Variants in PCDHGA5 observed in about 807,000 individuals in gnomAD.
The protein encoded by PCDHGA5 is protocadherin gamma-A5.
In PCDHGA5, 36 loss-of-function variants were observed where a neutral mutation model predicts 56.7. That is an observed-to-expected ratio of 0.64 (90% CI 0.49 to 0.84). PCDHGA5 has a LOEUF of 0.84. Among genes scored for constraint, PCDHGA5 ranks in the 40% least tolerant of loss-of-function variants. The pLI, the probability that PCDHGA5 is intolerant of heterozygous loss-of-function variation, is 0.00. For missense variants in PCDHGA5, 1,305 were observed against 1,201.5 expected (o/e 1.09, Z -1.27); for synonymous variants, 563 against 520.2 (o/e 1.08, Z -1.12).
intron 1 of PCDHGA5, chr5:141,378,778 C>G (rs962575356): frequency 6.6e-5 from 10 of 152,270 alleles, no homozygotes; most frequent in Middle Eastern, 3.4e-3. Flanking sequence ...ACTGATTAGT[C>G]TTATTTATTA....
chr5:141,377,732 C>A (rs554693714), intron 1 of PCDHGA5: 2 of 152,264 alleles, frequency 1.3e-5, no homozygotes, highest in African/African-American at 4.8e-5. Flanking sequence ...AGATAAGAAT[C>A]ATTGGTAACT....
intron 1 of PCDHGA5, chr5:141,419,118 T>C: frequency 6.2e-7 from 1 of 1,613,806 alleles, no homozygotes; most frequent in South Asian, 1.1e-5. Context: ...GAGTACAACG[T>C]CACCATCGCA....
chr5:141,464,043 T>C (rs2099074643), intron 1 of PCDHGA5, among the ~76,000 whole-genome samples: 2 of 152,074 alleles, frequency 1.3e-5, no homozygotes, highest in African/African-American at 4.8e-5. Context: ...GGCGGGTGGA[T>C]CACCTGAGGT....
chr5:141,408,055 C>T lies in PCDHGA5; in HGVS notation c.2421+41304C>T, dbSNP rs1012762205. 35 of 1,299,012 alleles carry T rather than the reference C, an allele frequency of 2.7e-5. No homozygotes were observed. In the South Asian group the frequency reaches 3.8e-4, roughly 14 times the overall value. 80.5% of individuals were successfully genotyped at this position (1,299,012 alleles called of 1,614,324 possible). On this transcript the variant is annotated intron_variant, in intron 1 of 3. Coordinates refer to ENST00000518069, the MANE Select transcript of PCDHGA5 (RefSeq NM_018918.3). ...AAAACCAGCTCCCACACAGAGCCTCCCGGCTGCGCAGACCTTTCCCAGCAC... is the reference window on the plus strand; with the variant it reads ...AAAACCAGCTCCCACACAGAGCCTCTCGGCTGCGCAGACCTTTCCCAGCAC...
Position 141,511,643 on chromosome 5 carries a change from C to T in PCDHGA5, c.*470C>T, listed in dbSNP as rs937995879. ...TGAAAAGTTGGAAGGGCATCATGACCTCTTGGCCTCTCCTTTGATTCTCAA... is the reference window on the plus strand; with the variant it reads ...TGAAAAGTTGGAAGGGCATCATGACTTCTTGGCCTCTCCTTTGATTCTCAA... On this transcript the variant is annotated 3_prime_UTR_variant, in exon 4 of 4. Coordinates refer to ENST00000518069, the MANE Select transcript of PCDHGA5 (RefSeq NM_018918.3). 4 of 218,904 alleles carry T rather than the reference C, an allele frequency of 1.8e-5. No homozygotes were observed. The highest frequency in any genetic ancestry group is 5.2e-5 in the Admixed American group (1 of 19,306). 13.6% of individuals were successfully genotyped at this position (218,904 alleles called of 1,614,324 possible). A position where few individuals can be genotyped will look rare whatever the true frequency, so the allele number is the denominator to read the frequency against.
intron 1 of PCDHGA5, chr5:141,399,391 G>C: frequency 2.5e-6 from 4 of 1,613,964 alleles, no homozygotes; most frequent in Non-Finnish European, 3.4e-6. Flanking sequence ...CACAGCCACA[G>C]ACAGGGGCAA....
At chr5:141,370,504 T>C (rs769995886) in intron 1 of PCDHGA5, 3 of 1,613,950 alleles carry the variant, frequency 1.9e-6, no homozygotes, top group Non-Finnish European at 2.5e-6. Flanking sequence ...CGCTACGCTA[T>C]TCCCGAGGAG....
At chr5:141,423,722 GT>G in intron 1 of PCDHGA5, 1 of 954,176 alleles carries the variant, frequency 1.0e-6, no homozygotes, top group Admixed American at 5.1e-5. Flanking sequence ...TTAAGGAGAT[GT>G]TTTTTGAGCC....
At chr5:141,421,218 A>G (rs969154252) in intron 1 of PCDHGA5, 1 of 1,570,664 alleles carries the variant, frequency 6.4e-7, no homozygotes, top group Admixed American at 1.9e-5. Flanking sequence ...ATATCGGCTT[A>G]GAGCCTGCCA....
chr5:141,485,383 G>C lies in PCDHGA5; in HGVS notation c.2422-9424G>C. 6.2e-7 allele frequency: 1 copy of C among 1,614,128 alleles called. No individual in the cohort carries two copies. Among genetic ancestry groups the C allele is most frequent in the Non-Finnish European group, 8.5e-7 (1 of 1,180,020 alleles). On this transcript the variant is annotated intron_variant, in intron 1 of 3. Coordinates refer to ENST00000518069, the MANE Select transcript of PCDHGA5 (RefSeq NM_018918.3). The surrounding 1 kb of genome is among the most constrained non-coding windows in gnomAD (Gnocchi z 5.7). Reference sequence around the variant, plus strand: ...GCAGGCTGCAGGTCGCTGGAGAGGTGAACCAAAGACACTTCCGTGTGGATT... The same window carrying C: ...GCAGGCTGCAGGTCGCTGGAGAGGTCAACCAAAGACACTTCCGTGTGGATT...
At chr5:141,465,833 T>A (rs2099110537) in intron 1 of PCDHGA5, among the ~76,000 whole-genome samples, 1 of 152,002 alleles carries the variant, frequency 6.6e-6, no homozygotes, top group Non-Finnish European at 1.5e-5. Context: ...GTTTAAAATT[T>A]CAACTGAGGC....
At position 141,414,416 on chromosome 5, in the gene PCDHGA5, T is replaced by C. The variant is rs550804810; in HGVS notation, c.2421+47665T>C. The C allele has an allele frequency of 2.2e-5, 35 of 1,613,902 alleles. No homozygotes were observed. In the South Asian group the frequency reaches 3.5e-4, roughly 16 times the overall value. On this transcript the variant is annotated intron_variant, in intron 1 of 3. Coordinates refer to ENST00000518069, the MANE Select transcript of PCDHGA5 (RefSeq NM_018918.3). ...TACAGATTGGTGATACACAGAGCCCTTGACAGGGAACAGGTATCCTCTTAC... is the reference window on the plus strand; with the variant it reads ...TACAGATTGGTGATACACAGAGCCCCTGACAGGGAACAGGTATCCTCTTAC...
In PCDHGA5 at chr5:141,435,253, G is replaced by A. The variant is rs2097754974; in HGVS notation, c.2422-59554G>A. Among the ~76,000 whole-genome samples the A allele has an allele frequency of 1.3e-5, 2 of 152,064 alleles. 1 individual carries two copies. The highest frequency in any genetic ancestry group is 3.9e-4 in the East Asian group (2 of 5,184). On this transcript the variant is annotated intron_variant, in intron 1 of 3. Transcript: ENST00000518069. ...TTCAGTAATTCTTTCTGGCCATTAG[G>A]GATATGTCCATTTATACTTTCTCAG...
chr5:141,400,591 C>T lies in PCDHGA5; in HGVS notation c.2421+33840C>T, dbSNP rs746471054. ...ATTTTCTGTATTTACATGAAACTATCGTACATTTTCAAGTCCAATGAGTTG... is the reference window on the plus strand; with the variant it reads ...ATTTTCTGTATTTACATGAAACTATTGTACATTTTCAAGTCCAATGAGTTG... On this transcript the variant is annotated intron_variant, in intron 1 of 3. Transcript: ENST00000518069. 2.5e-6 allele frequency: 4 copies of T among 1,602,858 alleles called. No homozygotes were observed. In the African/African-American group the frequency reaches 5.4e-5, roughly 21 times the overall value.
chr5:141,389,538 G>A (rs772693461), intron 1 of PCDHGA5: 1 of 1,613,186 alleles, frequency 6.2e-7, no homozygotes, highest in Admixed American at 1.7e-5. Context: ...GTTAGTGGAC[G>A]ACCGCAACGA....
chr5:141,427,840 A>G (rs779622800), intron 1 of PCDHGA5: 1 of 1,548,180 alleles, frequency 6.5e-7, no homozygotes, highest in Non-Finnish European at 8.8e-7. Flanking sequence ...CGTGCCTTCG[A>G]CCACGAGCAG....
At chr5:141,420,458 CAA>C (rs1269245240) in intron 1 of PCDHGA5, 1 of 925,076 alleles carries the variant, frequency 1.1e-6, no homozygotes, top group Non-Finnish European at 1.5e-6. Context: ...TCCTACTATT[CAA>C]AGACATTTTA....
In PCDHGA5 at chr5:141,477,595, T is replaced by C. The variant is rs1289890776; in HGVS notation, c.2422-17212T>C. The C allele has an allele frequency of 6.2e-7, 1 of 1,614,176 alleles. No individual in the cohort carries two copies. Among genetic ancestry groups the C allele is most frequent in the Non-Finnish European group, 8.5e-7 (1 of 1,180,032 alleles). ...ACGCCCCGCAGAATGCTCGGCTTTC[T>C]TTCTTTCTCTTGGAGCAAGGAGCTG... On this transcript the variant is annotated intron_variant, in intron 1 of 3. Coordinates refer to ENST00000518069, the MANE Select transcript of PCDHGA5 (RefSeq NM_018918.3). This position sits in a 1 kb window ranked among gnomAD's most constrained non-coding sequence, Gnocchi z 4.9.
At chr5:141,436,668 C>CA (rs1159051861) in intron 1 of PCDHGA5, among the ~76,000 whole-genome samples, 1 of 151,748 alleles carries the variant, frequency 6.6e-6, no homozygotes, top group South Asian at 2.1e-4. Flanking sequence ...AGTGGTTGAC[C>CA]AAAAAAAGGA....
Sources: allele counts gnomAD v4.1 joint callset (sites outside exome capture counted in the v4.1 genomes callset), GRCh38; gene constraint gnomAD v4.1.1; non-coding constraint Gnocchi (gnomAD v3.1); transcripts MANE v1.5; gene names NCBI Gene and HGNC (gene_info 2026-07-23, HGNC 2026-07-21).